ARHGEF18: variants seen among roughly 807,000 people sequenced by gnomAD.
The protein encoded by ARHGEF18 is Rho/Rac guanine nucleotide exchange factor 18.
Under a neutral mutation model 155.7 loss-of-function variants are expected in ARHGEF18, and 93 were observed. The observed-to-expected ratio is 0.60, with a 90% confidence interval of 0.50 to 0.71. The LOEUF (loss-of-function observed/expected upper bound fraction) is 0.71, where lower values mean the gene tolerates loss of function less well. ARHGEF18 is among the 30% of genes least tolerant of loss of function. The probability of loss-of-function intolerance (pLI) is 0.00; values close to 1 mark genes in which losing one functional copy is unlikely to be tolerated. For synonymous variants in ARHGEF18, 742 were observed against 753.1 expected (o/e 0.99, Z 0.24); for missense variants, 1,593 against 1,816.1 (o/e 0.88, Z 2.23).
chr19:7,439,655 ATTCTGTTCG>A, intron 10 of ARHGEF18: 3 of 1,161,934 alleles, frequency 2.6e-6, no homozygotes, highest in South Asian at 5.8e-5. Context: ...CGATGCTAGA[ATTCTGTTCG>A]AGTGCTGATG....
Position 7,453,215 on chromosome 19 carries a change from A to C in ARHGEF18, c.1856-252A>C, listed in dbSNP as rs77523958. On this transcript the variant is annotated intron_variant, in intron 16 of 28. Coordinates refer to ENST00000668164, the MANE Select transcript of ARHGEF18 (RefSeq NM_001367823.1). ...CCGTCCACCCTACCCTCCCCCCCCCAAAAAAAACCTAAACTCTGACGTGTT... is the reference window on the plus strand; with the variant it reads ...CCGTCCACCCTACCCTCCCCCCCCCCAAAAAAACCTAAACTCTGACGTGTT... Among the ~76,000 whole-genome samples the C allele has an allele frequency of 8.2e-3, 1,017 of 123,836 alleles. 1 individual carries two copies. Among genetic ancestry groups the C allele is most frequent in the Non-Finnish European group, 0.012 (702 of 58,622 alleles). The allele number at this position is 123,836 out of a possible 152,430, so 81.2% of individuals were successfully genotyped here.
chr19:7,428,897 G>A (rs1427286139), intron 10 of ARHGEF18, among the ~76,000 whole-genome samples: 1 of 152,208 alleles, frequency 6.6e-6, no homozygotes, highest in African/African-American at 2.4e-5. Flanking sequence ...TAGATCTGAT[G>A]TGACACCAGT....
At chr19:7,430,048 A>G (rs1255104915) in intron 10 of ARHGEF18, among the ~76,000 whole-genome samples, 1 of 151,724 alleles carries the variant, frequency 6.6e-6, no homozygotes, top group Non-Finnish European at 1.5e-5. Context: ...GAGAATATTC[A>G]TGGTACCCAC....
chr19:7,460,461 C>T (rs934528894), intron 20 of ARHGEF18, among the ~76,000 whole-genome samples: 4 of 152,166 alleles, frequency 2.6e-5, no homozygotes, highest in African/African-American at 9.7e-5. Flanking sequence ...CATTTCAGTG[C>T]ATTTCCAATT....
intron 10 of ARHGEF18, among the ~76,000 whole-genome samples, chr19:7,415,837 G>A (rs1051282920): frequency 6.6e-6 from 1 of 152,108 alleles, no homozygotes; most frequent in Non-Finnish European, 1.5e-5. Flanking sequence ...ATACCCAGGA[G>A]TAGAATTGCT....
rs553896938 is a variant in ARHGEF18, at chr19:7,472,467, T to A, written c.*2169T>A. On this transcript the variant is annotated 3_prime_UTR_variant, in exon 29 of 29. Transcript: ENST00000668164. Reference sequence around the variant, plus strand: ...TAAGACCTGATTCTAGCAATAAACGTGTCCGAGATGAGCGGTGACTGGCGT... The same window carrying A: ...TAAGACCTGATTCTAGCAATAAACGAGTCCGAGATGAGCGGTGACTGGCGT... 6.2e-6 allele frequency: 1 copy of A among 161,302 alleles called. No individual in the cohort carries two copies. Among genetic ancestry groups the A allele is most frequent in the South Asian group, 1.7e-4 (1 of 5,942 alleles). The allele number at this position is 161,302 out of a possible 1,614,324, so 10.0% of individuals were successfully genotyped here. A position where few individuals can be genotyped will look rare whatever the true frequency, so the allele number is the denominator to read the frequency against.
intron 10 of ARHGEF18, among the ~76,000 whole-genome samples, chr19:7,407,861 CTGAGGCAGGAGAA>C (rs1972415640): frequency 6.8e-6 from 1 of 146,976 alleles, no homozygotes; most frequent in Non-Finnish European, 1.5e-5. Context: ...ACTCGGGAGG[CTGAGGCAGGAGAA>C]TGGCGTGAAC....
intron 10 of ARHGEF18, among the ~76,000 whole-genome samples, chr19:7,411,789 C>T (rs1972701462): frequency 6.6e-6 from 1 of 152,096 alleles, no homozygotes; most frequent in Admixed American, 6.6e-5. Context: ...CCTTGGCACC[C>T]ACCATTCTAC....
intron 1 of ARHGEF18, among the ~76,000 whole-genome samples, chr19:7,353,980 G>A (rs891012774): frequency 1.6e-4 from 24 of 149,048 alleles, no homozygotes; most frequent in African/African-American, 5.9e-4. Context: ...AAGAAAGAAA[G>A]AAAAAGAAAA....
At position 7,444,070 on chromosome 19, in the gene ARHGEF18, T is replaced by G. The variant is rs1281265617; in HGVS notation, c.1361-134T>G. The G allele has an allele frequency of 8.6e-7, 1 of 1,169,372 alleles. No homozygotes were observed. Among genetic ancestry groups the G allele is most frequent in the Non-Finnish European group, 1.2e-6 (1 of 835,484 alleles). 72.4% of individuals were successfully genotyped at this position (1,169,372 alleles called of 1,614,324 possible). A position where few individuals can be genotyped will look rare whatever the true frequency, so the allele number is the denominator to read the frequency against. On this transcript the variant is annotated intron_variant, in intron 13 of 28. Transcript: ENST00000668164. This position sits in a 1 kb window ranked among gnomAD's most constrained non-coding sequence, Gnocchi z 4.7. ...CTGGACACCCTGGAAGTAAGAAAGA[T>G]CCCAAAGGCACAAGGTCTTAGGCAG...
In ARHGEF18 at chr19:7,468,669, T is replaced by A. The variant is rs188236317; in HGVS notation, c.3481-156T>A. On this transcript the variant is annotated intron_variant, in intron 26 of 28. Transcript: ENST00000668164. ...CACAAGTCTGCACATTTAGCAGGGG[T>A]TGGGGACGGGCAATGACCAGCAGCT... Among the ~76,000 whole-genome samples, 37 of 152,132 alleles carry A rather than the reference T, an allele frequency of 2.4e-4. No individual in the cohort carries two copies. In the East Asian group the frequency reaches 6.0e-3, roughly 25 times the overall value.
Position 7,431,018 on chromosome 19 carries a change from A to T in ARHGEF18, c.968-9326A>T, listed in dbSNP as rs1392823160. The stretch of plus-strand genomic sequence containing the variant: ...CCCATCTCTAAATTAGCCAGGTGTG[A>T]TAGCACACACCTATGGTCCCAGCTA... On this transcript the variant is annotated intron_variant, in intron 10 of 28. Coordinates refer to ENST00000668164, the MANE Select transcript of ARHGEF18 (RefSeq NM_001367823.1). 2.0e-5 allele frequency among the ~76,000 whole-genome samples: 3 copies of T among 151,682 alleles called. No individual in the cohort carries two copies. In the East Asian group the frequency reaches 5.9e-4, roughly 30 times the overall value.
At chr19:7,387,732 T>A (rs1038492178) in intron 10 of ARHGEF18, among the ~76,000 whole-genome samples, 20 of 152,014 alleles carry the variant, frequency 1.3e-4, no homozygotes, top group African/African-American at 4.6e-4. Context: ...TGCAGTGGCG[T>A]GATGTCGGCT....
intron 13 of ARHGEF18, 42 bp downstream of exon 13, chr19:7,442,094 C>T: frequency 6.2e-7 from 1 of 1,607,824 alleles, no homozygotes; most frequent in Non-Finnish European, 8.5e-7. Flanking sequence ...CGGCCCTCCA[C>T]TCTCTTCTCT....
rs770609738 is a variant in ARHGEF18, at chr19:7,464,556, T to G, written c.2774-4T>G. 6.2e-7 allele frequency: 1 copy of G among 1,607,992 alleles called. No homozygotes were observed. The highest frequency in any genetic ancestry group is 2.2e-5 in the East Asian group (1 of 44,684). The stretch of plus-strand genomic sequence containing the variant: ...TCCTCATGCCCCTGGCTTGGGGTTC[T>G]CAGATGGCAGTTTCAAGAAGAAAGT... On this transcript the variant is annotated splice_polypyrimidine_tract_variant and splice_region_variant and intron_variant, in intron 22 of 28. Coordinates refer to ENST00000668164, the MANE Select transcript of ARHGEF18 (RefSeq NM_001367823.1).
chr19:7,415,775 A>G (rs373947105), intron 10 of ARHGEF18, among the ~76,000 whole-genome samples: 15 of 152,086 alleles, frequency 9.9e-5, no homozygotes, highest in East Asian at 9.7e-4. Context: ...AATAAACAAA[A>G]CTACAGTTGA....
intron 13 of ARHGEF18, 111 bp downstream of exon 13, chr19:7,442,163 TTCCTTCCTTATC>T (rs1974699891): frequency 1.2e-5 from 12 of 1,008,090 alleles, no homozygotes; most frequent in Non-Finnish European, 1.7e-5. Flanking sequence ...CCTTCCTTCC[TTCCTTCCTTATC>T]TTTTTCTTTC....
intron 15 of ARHGEF18, among the ~76,000 whole-genome samples, chr19:7,450,325 C>A (rs993438746): frequency 3.5e-5 from 5 of 143,656 alleles, no homozygotes; most frequent in African/African-American, 1.3e-4. Context: ...AATACAGGAT[C>A]TTGCTGTCCA....
downstream of ARHGEF18, chr19:7,473,452 T>G (rs991589252): frequency 5.4e-6 from 2 of 372,252 alleles, no homozygotes; most frequent in African/African-American, 4.2e-5. Context: ...GGAGGATAGC[T>G]TGAGCCCAGG....
Sources: gnomAD v4.1 joint callset for allele counts (sites outside exome capture counted in the v4.1 genomes callset) on GRCh38, gnomAD v4.1.1 for gene constraint, Gnocchi (gnomAD v3.1) non-coding constraint, MANE v1.5 for transcripts, NCBI Gene and HGNC (gene_info 2026-07-23, HGNC 2026-07-21) for gene names.